The following ELFN2 variants were observed in gnomAD, a reference collection of about 807,000 sequenced individuals.
ELFN2 encodes the protein extracellular leucine rich repeat and fibronectin type III domain containing 2.
In ELFN2, 17 loss-of-function variants were observed where a neutral mutation model predicts 45.5. That is an observed-to-expected ratio of 0.37 (90% confidence interval 0.26 to 0.56). The LOEUF (loss-of-function observed/expected upper bound fraction) is 0.56, where lower values mean the gene tolerates loss of function less well. ELFN2 is among the 20% of genes least tolerant of loss of function. ELFN2 has a pLI of 0.77. For synonymous variants in ELFN2, 550 were observed against 551.5 expected (o/e 1.00, Z 0.04); for missense variants, 922 against 1,183.2 (o/e 0.78, Z 3.24).
At chr22:37,390,531 G>A (rs920168564) in intron 2 of ELFN2, among the ~76,000 whole-genome samples, 14 of 152,188 alleles carry the variant, frequency 9.2e-5, no homozygotes, top group Non-Finnish European at 1.5e-4. Context: ...GTGAGAAGCC[G>A]CATTCTCCCC....
rs115250876 is a variant in ELFN2, at chr22:37,372,455, G to C, written c.*617C>G. 1 of 152,680 alleles carries C rather than the reference G, an allele frequency of 6.5e-6. No individual in the cohort carries two copies. The highest frequency in any genetic ancestry group is 2.4e-5 in the African/African-American group (1 of 41,446). 9.5% of individuals were successfully genotyped at this position (152,680 alleles called of 1,614,324 possible). ...GCAGGGGTCCACAAGAGAGCTGCAGGGGGTTCCGGGACAGCACTGGGCTGG... is the reference window on the plus strand; with the variant it reads ...GCAGGGGTCCACAAGAGAGCTGCAGCGGGTTCCGGGACAGCACTGGGCTGG... On this transcript the variant is annotated 3_prime_UTR_variant, in exon 3 of 3. Transcript: ENST00000402918. This position sits in a 1 kb window ranked among gnomAD's most constrained non-coding sequence, Gnocchi z 4.4.
intron 2 of ELFN2, among the ~76,000 whole-genome samples, chr22:37,411,428 C>T (rs1316797950): frequency 6.6e-6 from 1 of 152,200 alleles, no homozygotes; most frequent in Non-Finnish European, 1.5e-5. Context: ...AGAGCCCCCA[C>T]CTCCATCCTT....
At chr22:37,389,007 T>C (rs987270323) in intron 2 of ELFN2, among the ~76,000 whole-genome samples, 1 of 152,146 alleles carries the variant, frequency 6.6e-6, no homozygotes, top group African/African-American at 2.4e-5. Context: ...GGGAGAAGCA[T>C]GCGGGGCTTG....
At chr22:37,357,248 C>G (rs1364795627) in intron 1 of ELFN2, among the ~76,000 whole-genome samples, 3 of 152,188 alleles carry the variant, frequency 2.0e-5, no homozygotes. Context: ...GAATCTGCTA[C>G]TTCTCATTGA....
At chr22:37,412,895 TG>T (rs1932683695) in intron 2 of ELFN2, among the ~76,000 whole-genome samples, 1 of 151,814 alleles carries the variant, frequency 6.6e-6, no homozygotes. Context: ...GACCCAGGAG[TG>T]GGCCTGGGCC....
chr22:37,427,194 C>T (rs1932858932), intron 1 of ELFN2, 104 bp downstream of exon 1: 1 of 152,194 alleles, frequency 6.6e-6, no homozygotes, highest in African/African-American at 2.4e-5. Flanking sequence ...CTCTCCAAGC[C>T]CCACCCCCAC....
chr22:37,359,538 G>A (rs990589948), intron 1 of ELFN2, among the ~76,000 whole-genome samples: 4 of 152,144 alleles, frequency 2.6e-5, no homozygotes, highest in African/African-American at 9.7e-5. Context: ...CAACATTCTC[G>A]AGCGGCCCCT....
intron 2 of ELFN2, among the ~76,000 whole-genome samples, chr22:37,378,079 T>C (rs977370880): frequency 3.3e-5 from 5 of 152,204 alleles, no homozygotes; most frequent in Non-Finnish European, 4.4e-5. Flanking sequence ...ACCGCATTTG[T>C]ATGCAGGTGC....
chr22:37,357,252 T>C (rs1419603361), intron 1 of ELFN2, among the ~76,000 whole-genome samples: 1 of 152,186 alleles, frequency 6.6e-6, no homozygotes, highest in Non-Finnish European at 1.5e-5. Context: ...CTGCTACTTC[T>C]CATTGACCAG....
intron 2 of ELFN2, among the ~76,000 whole-genome samples, chr22:37,386,804 C>T (rs540112410): frequency 1.3e-5 from 2 of 152,350 alleles, no homozygotes; most frequent in South Asian, 2.1e-4. Flanking sequence ...CCACCAAGAC[C>T]GGCCCTCCCT....
At chr22:37,382,542 T>C (rs1931817805) in intron 2 of ELFN2, among the ~76,000 whole-genome samples, 1 of 54,336 alleles carries the variant, frequency 1.8e-5, no homozygotes, top group African/African-American at 9.9e-5. Flanking sequence ...CACGCTGGCC[T>C]TTTTTTTTTT....
intron 2 of ELFN2, among the ~76,000 whole-genome samples, chr22:37,378,786 G>C (rs57657220): frequency 1.3e-5 from 2 of 152,248 alleles, no homozygotes; most frequent in South Asian, 4.1e-4. Flanking sequence ...CCTGCCACCC[G>C]TGGAGACCTG....
intron 2 of ELFN2, among the ~76,000 whole-genome samples, chr22:37,414,171 A>T (rs1043985124): frequency 6.6e-6 from 1 of 152,224 alleles, no homozygotes; most frequent in Non-Finnish European, 1.5e-5. Context: ...AACAAGACAA[A>T]AAAAAAGCTG....
In ELFN2 at chr22:37,373,130, T is replaced by C; in HGVS notation, c.2405A>G (p.Glu802Gly). The C allele has an allele frequency of 6.2e-7, 1 of 1,612,818 alleles. No homozygotes were observed. The highest frequency in any genetic ancestry group is 8.5e-7 in the Non-Finnish European group (1 of 1,179,176). Residue 802 changes from glutamate (E) to glycine (G), a missense_variant, in exon 3 of 3, where the codon GAG becomes GGG. Around this residue, in one of 2 missense-constraint regions of ELFN2, gnomAD observed 564 missense variants for 642.8 expected, o/e 0.88. Coordinates refer to ENST00000402918, the MANE Select transcript of ELFN2 (RefSeq NM_052906.5). ...LRKKVQFAKD[E>G]DLHDILDYWK... ...GTAATCAAGGATGTCATGCAGATCC[T>C]CGTCCTTGGCGAACTGGACCTTCTT...
At chr22:37,426,688 C>T (rs1048464352) in intron 1 of ELFN2, among the ~76,000 whole-genome samples, 1 of 151,986 alleles carries the variant, frequency 6.6e-6, no homozygotes, top group Non-Finnish European at 1.5e-5. Context: ...TGGCCCCGGC[C>T]CTGCCAGAGC....
At chr22:37,378,317 CGTGT>C (rs766445374) in intron 2 of ELFN2, among the ~76,000 whole-genome samples, 1 of 152,208 alleles carries the variant, frequency 6.6e-6, no homozygotes, top group East Asian at 1.9e-4. Context: ...GTGTTCTACA[CGTGT>C]GTGTGCCTAC....
intron 2 of ELFN2, among the ~76,000 whole-genome samples, chr22:37,403,228 G>A (rs1339332144): frequency 7.1e-6 from 1 of 140,952 alleles, no homozygotes; most frequent in Admixed American, 8.1e-5. Context: ...CATTCATTCT[G>A]CAGAACAAAG....
intron 1 of ELFN2, among the ~76,000 whole-genome samples, chr22:37,357,355 T>C (rs1482391259): frequency 6.6e-6 from 1 of 152,196 alleles, no homozygotes; most frequent in Non-Finnish European, 1.5e-5. Context: ...GTTTTGCTCC[T>C]GTGGAAGAAG....
intron 1 of ELFN2, among the ~76,000 whole-genome samples, chr22:37,426,618 C>G (rs928308930): frequency 7.0e-6 from 1 of 142,556 alleles, no homozygotes; most frequent in Non-Finnish European, 1.6e-5. Context: ...CACGCACACA[C>G]ACACACTGGC....
Sources: allele counts gnomAD v4.1 joint callset (sites outside exome capture counted in the v4.1 genomes callset), GRCh38; gene constraint gnomAD v4.1.1; regional missense constraint gnomAD v4.1.1; non-coding constraint Gnocchi (gnomAD v3.1); transcripts MANE v1.5; gene names NCBI Gene and HGNC (gene_info 2026-07-23, HGNC 2026-07-21).